The following PI4KA variants were observed in gnomAD, a reference collection of about 807,000 sequenced individuals.
PI4KA encodes the protein PI4-kinase alpha.
Under a neutral mutation model 271.4 loss-of-function variants are expected in PI4KA, and 122 were observed. The observed-to-expected ratio is 0.45, with a 90% CI of 0.39 to 0.52. The LOEUF (loss-of-function observed/expected upper bound fraction) is 0.52, where lower values mean the gene tolerates loss of function less well. Ranked by LOEUF, PI4KA falls within the 20% of genes least tolerant of loss-of-function variation. The pLI is 0.00. For missense variants in PI4KA, 1,969 were observed against 2,769.1 expected (o/e 0.71, Z 6.48); for synonymous variants, 1,041 against 1,078.8 (o/e 0.96, Z 0.69).
chr22:20,783,455 CAGAA>C (rs1366629475), intron 19 of PI4KA, among the ~76,000 whole-genome samples: 3 of 145,972 alleles, frequency 2.1e-5, no homozygotes, highest in Admixed American at 6.8e-5. Flanking sequence ...AAAAAAAAGA[CAGAA>C]AGAAAAAATA....
intron 30 of PI4KA, among the ~76,000 whole-genome samples, chr22:20,743,301 C>G (rs756573427): frequency 1.3e-5 from 2 of 151,974 alleles, no homozygotes; most frequent in African/African-American, 4.8e-5. Flanking sequence ...TGCGCCACCA[C>G]GCCTGGCTAA....
At chr22:20,790,401 C>T (rs940515363) in intron 19 of PI4KA, among the ~76,000 whole-genome samples, 1 of 152,064 alleles carries the variant, frequency 6.6e-6, no homozygotes, top group Non-Finnish European at 1.5e-5. Context: ...TGGCTCACAC[C>T]TGTAATCCCA....
intron 11 of PI4KA, 118 bp from the exon 12 acceptor site, chr22:20,804,518 G>C: frequency 1.4e-6 from 1 of 727,374 alleles, no homozygotes; most frequent in Non-Finnish European, 2.4e-6. Flanking sequence ...TTTAGGCAGG[G>C]CTTATTCATA....
rs542126567 is a variant in PI4KA, at chr22:20,794,332, A to T, written c.2278-1089T>A. The stretch of plus-strand genomic sequence containing the variant: ...AGCAGGCTCCTGAAACGCCCCTCAG[A>T]CAGGTTACAGCCTCTGCTTTCTCAG... On this transcript the variant is annotated intron_variant, in intron 18 of 54. Coordinates refer to ENST00000255882, the MANE Select transcript of PI4KA (RefSeq NM_058004.4). 1.9e-4 allele frequency among the ~76,000 whole-genome samples: 29 copies of T among 152,248 alleles called. No homozygotes were observed. In the South Asian group the frequency reaches 4.8e-3, roughly 25 times the overall value.
At chr22:20,754,190 G>A (rs1931023336) in intron 23 of PI4KA, among the ~76,000 whole-genome samples, 2 of 151,992 alleles carry the variant, frequency 1.3e-5, no homozygotes, top group Middle Eastern at 6.8e-3. Context: ...CAGGCTCAAG[G>A]GATCCTCCCA....
chr22:20,802,164 T>C, intron 13 of PI4KA, 59 bp from the exon 14 acceptor site: 1 of 1,515,414 alleles, frequency 6.6e-7, no homozygotes, highest in South Asian at 1.1e-5. Flanking sequence ...CATCACCTTC[T>C]TTGTAATTCA....
intron 19 of PI4KA, chr22:20,773,734 G>GA (rs1933024153): frequency 6.6e-6 from 1 of 152,312 alleles, no homozygotes; most frequent in Non-Finnish European, 1.5e-5. Context: ...CAGATGCTGT[G>GA]ATCATCCCAG....
chr22:20,727,687 G>A, intron 40 of PI4KA, 87 bp downstream of exon 40: 3 of 1,041,420 alleles, frequency 2.9e-6, no homozygotes, highest in African/African-American at 1.6e-5. Context: ...GGCTGTTTTT[G>A]TCTCATTTCT....
intron 3 of PI4KA, 73 bp downstream of exon 3, chr22:20,834,488 TA>T: frequency 1.1e-6 from 1 of 910,848 alleles, no homozygotes; most frequent in Non-Finnish European, 1.8e-6. Flanking sequence ...TCAGTATGAA[TA>T]AACACTTGAT....
chr22:20,796,873 T>G (rs1465280919), intron 17 of PI4KA, among the ~76,000 whole-genome samples: 1 of 152,208 alleles, frequency 6.6e-6, no homozygotes, highest in African/African-American at 2.4e-5. Context: ...AAACCCCGGA[T>G]GTGAAGCTGA....
Position 20,784,022 on chromosome 22 carries a change from C to T in PI4KA, c.2328+9171G>A, listed in dbSNP as rs181138395. ...GGAAATGACACACAACCACAACTTC[C>T]GGCTGAATGAGAGAGAGGTAGTTAA... On this transcript the variant is annotated intron_variant, in intron 19 of 54. Coordinates refer to ENST00000255882, the MANE Select transcript of PI4KA (RefSeq NM_058004.4). The T allele has an allele frequency of 2.5e-5, 41 of 1,614,126 alleles. No individual in the cohort carries two copies. The African/African-American group carries it at 2.9e-4, about 12-fold the overall frequency.
At chr22:20,735,979 G>A (rs1209903400) in intron 32 of PI4KA, among the ~76,000 whole-genome samples, 2 of 152,160 alleles carry the variant, frequency 1.3e-5, no homozygotes, top group Non-Finnish European at 2.9e-5. Context: ...AGGGCCTCGT[G>A]GACTCTGGGC....
chr22:20,824,899 G>A (rs577030460), intron 3 of PI4KA, among the ~76,000 whole-genome samples: 6 of 151,152 alleles, frequency 4.0e-5, no homozygotes, highest in South Asian at 2.1e-4. Context: ...GTGAAACCCC[G>A]TCTCTACTAA....
intron 2 of PI4KA, 21 bp downstream of exon 2, chr22:20,838,592 CTT>C: frequency 7.1e-7 from 1 of 1,399,946 alleles, no homozygotes; most frequent in Non-Finnish European, 1.0e-6. Context: ...AATGAAGAAA[CTT>C]TTAATTTCAT....
intron 15 of PI4KA, 76 bp downstream of exon 15, chr22:20,799,594 AC>A: frequency 1.0e-6 from 1 of 976,262 alleles, no homozygotes; most frequent in Non-Finnish European, 1.6e-6. Context: ...AGGCATGCAT[AC>A]GCACAATGCC....
At chr22:20,730,102 A>AT in intron 36 of PI4KA, 91 bp from the exon 37 acceptor site, 3 of 1,440,624 alleles carry the variant, frequency 2.1e-6, no homozygotes, top group Non-Finnish European at 2.9e-6. Flanking sequence ...AGATAAAGCA[A>AT]TTAGTGGCAG....
intron 4 of PI4KA, 117 bp downstream of exon 4, chr22:20,824,209 T>C (rs1042548168): frequency 2.7e-6 from 2 of 738,344 alleles, no homozygotes; most frequent in Non-Finnish European, 2.4e-6. Flanking sequence ...CAGGATGAAA[T>C]AGATAAATAT....
chr22:20,854,372 C>G (rs1159013376), intron 1 of PI4KA, among the ~76,000 whole-genome samples: 1 of 152,162 alleles, frequency 6.6e-6, no homozygotes, highest in African/African-American at 2.4e-5. Flanking sequence ...CAGCCTGCCT[C>G]AGCCTCCCAA....
At chr22:20,765,545 CT>C in intron 20 of PI4KA, 39 bp downstream of exon 20, 1 of 1,365,244 alleles carries the variant, frequency 7.3e-7, no homozygotes, top group Non-Finnish European at 1.0e-6. Context: ...TACCTTCACT[CT>C]GCACTCCGTC....
Sources: gnomAD v4.1 joint callset for allele counts (sites outside exome capture counted in the v4.1 genomes callset) on GRCh38, gnomAD v4.1.1 for gene constraint, MANE v1.5 for transcripts, NCBI Gene and HGNC (gene_info 2026-07-23, HGNC 2026-07-21) for gene names.